The following SYN3 variants were observed in gnomAD, a reference collection of about 807,000 sequenced individuals.
The protein encoded by SYN3 is synapsin-3.
In SYN3, 35 loss-of-function variants were observed where a neutral mutation model predicts 65.8. The ratio of observed to expected loss-of-function variants is 0.53; its 90% confidence interval spans 0.41 to 0.70. The LOEUF (loss-of-function observed/expected upper bound fraction) is 0.70, where lower values mean the gene tolerates loss of function less well. Among genes scored for constraint, SYN3 ranks in the 30% least tolerant of loss-of-function variants. The pLI, the probability that SYN3 is intolerant of heterozygous loss-of-function variation, is 0.00. For synonymous variants in SYN3, 270 were observed against 292.9 expected, an observed-to-expected ratio of 0.92 and a Z score of 0.80; for missense variants, 680 against 749.0, an observed-to-expected ratio of 0.91 and a Z score of 1.08.
intron 6 of SYN3, among the ~76,000 whole-genome samples, chr22:32,661,251 C>A (rs1302624180): frequency 6.6e-6 from 1 of 152,374 alleles, no homozygotes; most frequent in African/African-American, 2.4e-5. Context: ...CTACGCCCTG[C>A]TGCCTAGCAC....
At chr22:32,814,137 TGTGTGAGAGAGA>T (rs1309221845) in intron 6 of SYN3, among the ~76,000 whole-genome samples, 1 of 80,134 alleles carries the variant, frequency 1.2e-5, no homozygotes, top group African/African-American at 4.8e-5. Flanking sequence ...TGTGTGTGTG[TGTGTGAGAGAGA>T]GAGAGAGAGA....
chr22:32,793,566 C>A (rs2046366859), intron 6 of SYN3, among the ~76,000 whole-genome samples: 2 of 152,204 alleles, frequency 1.3e-5, no homozygotes, highest in South Asian at 4.1e-4. Context: ...ATGCCTTGTT[C>A]ACTGTTGTAT....
At chr22:32,907,484 T>C (rs1340447357) in intron 4 of SYN3, among the ~76,000 whole-genome samples, 2 of 152,182 alleles carry the variant, frequency 1.3e-5, no homozygotes, top group Non-Finnish European at 2.9e-5. Context: ...AGCAAATGCC[T>C]ACTATGTGCC....
At chr22:32,832,773 G>C (rs1299423455) in intron 6 of SYN3, among the ~76,000 whole-genome samples, 1 of 151,958 alleles carries the variant, frequency 6.6e-6, no homozygotes, top group African/African-American at 2.4e-5. Context: ...CTGTCGTTCA[G>C]CTGGAGTGCA....
At chr22:32,840,475 T>G (rs1428941001) in intron 6 of SYN3, among the ~76,000 whole-genome samples, 5 of 152,082 alleles carry the variant, frequency 3.3e-5, no homozygotes, top group Non-Finnish European at 1.5e-5. Flanking sequence ...AGAGTTCCTC[T>G]TCACTCAGGC....
intron 7 of SYN3, among the ~76,000 whole-genome samples, chr22:32,579,704 C>A (rs1000666275): frequency 1.5e-4 from 23 of 152,160 alleles, no homozygotes; most frequent in African/African-American, 5.3e-4. Context: ...TGTCCTTGCC[C>A]CAGCCGCTTG....
At chr22:32,851,701 A>G (rs1054148101) in intron 6 of SYN3, among the ~76,000 whole-genome samples, 3 of 152,232 alleles carry the variant, frequency 2.0e-5, no homozygotes, top group African/African-American at 4.8e-5. Context: ...AAGCTGAGGC[A>G]TCGGAATTTC....
intron 6 of SYN3, among the ~76,000 whole-genome samples, chr22:32,714,208 G>T (rs1214931265): frequency 1.3e-5 from 2 of 152,192 alleles, no homozygotes. Context: ...GAGATCTGAA[G>T]GCCCCTCATG....
At chr22:32,652,210 C>A (rs940455598) in intron 6 of SYN3, among the ~76,000 whole-genome samples, 2 of 152,122 alleles carry the variant, frequency 1.3e-5, no homozygotes, top group African/African-American at 4.8e-5. Context: ...CTAGTCCCCA[C>A]CAAAATGCAC....
chr22:32,824,128 A>C (rs760490728), intron 6 of SYN3, among the ~76,000 whole-genome samples: 2 of 151,948 alleles, frequency 1.3e-5, no homozygotes, highest in Non-Finnish European at 2.9e-5. Flanking sequence ...AATACAAAAA[A>C]TTAACCAGGT....
At chr22:32,744,593 A>G (rs887993644) in intron 6 of SYN3, among the ~76,000 whole-genome samples, 2 of 152,174 alleles carry the variant, frequency 1.3e-5, no homozygotes, top group Non-Finnish European at 2.9e-5. Context: ...AGACGGTCAA[A>G]TGCAAATTTG....
chr22:32,924,006 C>T (rs2050403409), intron 4 of SYN3, among the ~76,000 whole-genome samples: 1 of 152,154 alleles, frequency 6.6e-6, no homozygotes, highest in Non-Finnish European at 1.5e-5. Context: ...CATGCTCCCA[C>T]AAAAGACATG....
intron 3 of SYN3, among the ~76,000 whole-genome samples, chr22:32,953,498 A>G (rs1013688664): frequency 6.6e-6 from 1 of 151,366 alleles, no homozygotes; most frequent in Non-Finnish European, 1.5e-5. Context: ...TGATATGAGC[A>G]AAGTGAGGTA....
At chr22:32,986,691 T>C (rs1253357824) in intron 2 of SYN3, among the ~76,000 whole-genome samples, 3 of 152,120 alleles carry the variant, frequency 2.0e-5, no homozygotes, top group Non-Finnish European at 2.9e-5. Flanking sequence ...TCAGGCAAAA[T>C]GGATGGACCC....
At chr22:32,646,529 C>T (rs57133833) in intron 6 of SYN3, among the ~76,000 whole-genome samples, 10,065 of 152,174 alleles carry the variant, frequency 0.066, 1,108 homozygotes, top group African/African-American at 0.23. Flanking sequence ...ATCCGGCTAG[C>T]GCTTCTTTGT....
chr22:32,769,145 T>C (rs896811481), intron 6 of SYN3, among the ~76,000 whole-genome samples: 1 of 152,154 alleles, frequency 6.6e-6, no homozygotes, highest in African/African-American at 2.4e-5. Flanking sequence ...ATATCTTCCT[T>C]AAAAATAAAA....
intron 6 of SYN3, among the ~76,000 whole-genome samples, chr22:32,759,419 C>A (rs1415314247): frequency 6.6e-6 from 1 of 152,080 alleles, no homozygotes; most frequent in African/African-American, 2.4e-5. Flanking sequence ...AAATCGTGGT[C>A]CTGCTACCAT....
chr22:32,940,848 A>C (rs1302876287), intron 3 of SYN3, among the ~76,000 whole-genome samples: 2 of 152,252 alleles, frequency 1.3e-5, no homozygotes, highest in Non-Finnish European at 2.9e-5. Context: ...AGCAAAGGCA[A>C]GATAGGATGA....
In SYN3 at chr22:32,510,629, G is replaced by A. The variant is rs1056429629; in HGVS notation, c.*3063C>T. 8.5e-5 allele frequency among the ~76,000 whole-genome samples: 13 copies of A among 152,150 alleles called. No homozygotes were observed. The highest frequency in any genetic ancestry group is 3.1e-4 in the African/African-American group (13 of 41,434). On this transcript the variant is annotated 3_prime_UTR_variant, in exon 14 of 14. Coordinates refer to ENST00000358763, the MANE Select transcript of SYN3 (RefSeq NM_003490.4). ...TTTGAAAGGTCTACCCCTGAGTAAG[G>A]AGGGTGGATATATATTTTTTTAAGT...
Sources: gnomAD v4.1 joint callset for allele counts (sites outside exome capture counted in the v4.1 genomes callset) on GRCh38, gnomAD v4.1.1 for gene constraint, MANE v1.5 for transcripts, NCBI Gene and HGNC (gene_info 2026-07-23, HGNC 2026-07-21) for gene names.